RAB3GAP1: variants seen among roughly 807,000 people sequenced by gnomAD.
RAB3GAP1 encodes RAB3 GTPase activating protein catalytic subunit 1.
Under a neutral mutation model 130.7 loss-of-function variants are expected in RAB3GAP1, and 86 were observed. That is an observed-to-expected ratio of 0.66 (90% CI 0.55 to 0.79). The LOEUF is 0.79. RAB3GAP1 is among the 30% of genes least tolerant of loss of function. The pLI, the probability that RAB3GAP1 is intolerant of heterozygous loss-of-function variation, is 0.00. For synonymous variants in RAB3GAP1, 367 were observed against 401.7 expected (o/e 0.91, Z 1.03); for missense variants, 1,029 against 1,169.4 (o/e 0.88, Z 1.75).
At chr2:135,147,213 G>A (rs1036672311) in intron 17 of RAB3GAP1, among the ~76,000 whole-genome samples, 9 of 151,980 alleles carry the variant, frequency 5.9e-5, no homozygotes, top group Admixed American at 4.6e-4. Flanking sequence ...GGGCATGGTG[G>A]TGCATGTCTG....
chr2:135,097,565 T>C (rs1690336845), intron 5 of RAB3GAP1, among the ~76,000 whole-genome samples: 1 of 152,130 alleles, frequency 6.6e-6, no homozygotes, highest in East Asian at 1.9e-4. Context: ...TGATCTTTCT[T>C]GGTCACTATA....
rs1484674265 is a variant in RAB3GAP1 at position 135,132,875 on chromosome 2, T to A, written c.1237-20T>A. The stretch of plus-strand genomic sequence containing the variant: ...GGAAATGTGGTCTAAAATGTGATTA[T>A]TTTTTTCCTTTCCTTCAAGTTCTTA... On this transcript the variant is annotated intron_variant, in intron 13 of 23. Coordinates refer to ENST00000264158, the MANE Select transcript of RAB3GAP1 (RefSeq NM_012233.3). The A allele has an allele frequency of 1.4e-6, 2 of 1,404,396 alleles. No homozygotes were observed. The highest frequency in any genetic ancestry group is 4.6e-5 in the East Asian group (2 of 43,734). The allele number at this position is 1,404,396 out of a possible 1,614,324, so 87.0% of individuals were successfully genotyped here. A position where few individuals can be genotyped will look rare whatever the true frequency, so the allele number is the denominator to read the frequency against.
intron 5 of RAB3GAP1, among the ~76,000 whole-genome samples, chr2:135,095,085 G>A (rs1047272510): frequency 6.6e-6 from 1 of 151,952 alleles, no homozygotes; most frequent in African/African-American, 2.4e-5. Context: ...GTCTCACTCT[G>A]TCGCCCAGGC....
chr2:135,121,009 A>C (rs1057389006), intron 8 of RAB3GAP1, 91 bp downstream of exon 8: 2 of 939,494 alleles, frequency 2.1e-6, no homozygotes, highest in Non-Finnish European at 1.7e-6. Context: ...AAGAGTTTCA[A>C]GTGTTTTACA....
chr2:135,105,446 C>T (rs1690572562), intron 5 of RAB3GAP1, among the ~76,000 whole-genome samples: 1 of 152,136 alleles, frequency 6.6e-6, no homozygotes, highest in Admixed American at 6.5e-5. Flanking sequence ...GTTGGCCGGG[C>T]TGGTCTCCAG....
chr2:135,115,024 C>A (rs1252021767), intron 6 of RAB3GAP1, among the ~76,000 whole-genome samples, 192 bp from the exon 7 acceptor site: 1 of 152,132 alleles, frequency 6.6e-6, no homozygotes, highest in East Asian at 1.9e-4. Context: ...ATGATAGTTT[C>A]TTCAGTTTGG....
chr2:135,103,035 A>ATTTTTTTTTTTTTTTT lies in RAB3GAP1; in HGVS notation c.362+9347_362+9362dup, dbSNP rs539310402. On this transcript the variant is annotated intron_variant, in intron 5 of 23. Coordinates refer to ENST00000264158, the MANE Select transcript of RAB3GAP1 (RefSeq NM_012233.3). ...AAAAAAAAAAAAAATCATTTTTGTG[A>ATTTTTTTTTTTTTTTT]TTTTTTTTTTTTTTTTTTTTGAGAC... Among the ~76,000 whole-genome samples the ATTTTTTTTTTTTTTTT allele has an allele frequency of 5.2e-4, 47 of 90,886 alleles. 2 individuals carry two copies. Among genetic ancestry groups the ATTTTTTTTTTTTTTTT allele is most frequent in the African/African-American group, 1.9e-3 (34 of 18,184 alleles). The allele number at this position is 90,886 out of a possible 152,430, so 59.6% of individuals were successfully genotyped here.
At chr2:135,099,175 G>A (rs190658563) in intron 5 of RAB3GAP1, among the ~76,000 whole-genome samples, 41 of 151,936 alleles carry the variant, frequency 2.7e-4, no homozygotes, top group African/African-American at 9.4e-4. Context: ...AGGTTTTTTC[G>A]TAGATGCTCT....
intron 3 of RAB3GAP1, among the ~76,000 whole-genome samples, chr2:135,075,225 T>A (rs1689598635): frequency 6.6e-6 from 1 of 152,236 alleles, no homozygotes; most frequent in African/African-American, 2.4e-5. Context: ...TCTTTTCTAC[T>A]TTTTGAGTAA....
At chr2:135,054,189 C>T (rs1414115076) in intron 2 of RAB3GAP1, among the ~76,000 whole-genome samples, 1 of 152,166 alleles carries the variant, frequency 6.6e-6, no homozygotes, top group Non-Finnish European at 1.5e-5. Context: ...TGGGCCCCAT[C>T]CTCAGAGTTT....
At chr2:135,094,392 C>T (rs769891218) in intron 5 of RAB3GAP1, among the ~76,000 whole-genome samples, 6 of 151,912 alleles carry the variant, frequency 3.9e-5, no homozygotes, top group Admixed American at 6.6e-5. Flanking sequence ...CCCAATTAAA[C>T]GTTCCAATTC....
chr2:135,113,030 A>G (rs767910341), intron 5 of RAB3GAP1, 121 bp from the exon 6 acceptor site: 5 of 1,365,492 alleles, frequency 3.7e-6, no homozygotes, highest in Non-Finnish European at 5.2e-6. Context: ...TAAAAGAAAC[A>G]CTTTTAGTTT....
chr2:135,076,592 T>C (rs1279516598), intron 3 of RAB3GAP1, among the ~76,000 whole-genome samples: 1 of 152,178 alleles, frequency 6.6e-6, no homozygotes, highest in Non-Finnish European at 1.5e-5. Context: ...GTTGCAGATA[T>C]TTTCCCTCAT....
intron 19 of RAB3GAP1, among the ~76,000 whole-genome samples, chr2:135,157,924 CTT>C (rs1286590305): frequency 2.0e-5 from 3 of 151,322 alleles, no homozygotes; most frequent in African/African-American, 7.3e-5. Context: ...TTGTGAAACT[CTT>C]TTAGATGTAT....
chr2:135,130,827 T>A, intron 13 of RAB3GAP1, 106 bp downstream of exon 13: 1 of 1,025,376 alleles, frequency 9.8e-7, no homozygotes, highest in Non-Finnish European at 1.5e-6. Flanking sequence ...ATACAATGAG[T>A]AAAACAGTTA....
chr2:135,115,106 A>T, intron 6 of RAB3GAP1, 110 bp from the exon 7 acceptor site: 2 of 1,025,030 alleles, frequency 2.0e-6, no homozygotes, highest in Non-Finnish European at 2.9e-6. Context: ...TTGTGTTTCC[A>T]GTTTAGTGCT....
Position 135,162,971 on chromosome 2 carries a change from C to G in RAB3GAP1, c.2491-15C>G, listed in dbSNP as rs1449074569. 6.2e-7 allele frequency: 1 copy of G among 1,606,100 alleles called. No homozygotes were observed. The highest frequency in any genetic ancestry group is 1.1e-5 in the South Asian group (1 of 90,880). ...GCCATCTCGCAATGTATGCCTCTTC[C>G]TTTTCTACCGCCAGGAAATCATTCA... On this transcript the variant is annotated splice_polypyrimidine_tract_variant and intron_variant, in intron 21 of 23. Transcript: ENST00000264158.
At chr2:135,074,254 G>A (rs1344641216) in intron 3 of RAB3GAP1, among the ~76,000 whole-genome samples, 3 of 152,182 alleles carry the variant, frequency 2.0e-5, no homozygotes, top group Non-Finnish European at 2.9e-5. Context: ...CCCAAAATGT[G>A]TATAGGTTTG....
At chr2:135,090,825 A>G (rs1690122040) in intron 3 of RAB3GAP1, among the ~76,000 whole-genome samples, 173 bp from the exon 4 acceptor site, 1 of 152,182 alleles carries the variant, frequency 6.6e-6, no homozygotes, top group African/African-American at 2.4e-5. Flanking sequence ...AGGAACACTG[A>G]TAAATCATTT....
Sources: allele counts gnomAD v4.1 joint callset (sites outside exome capture counted in the v4.1 genomes callset), GRCh38; gene constraint gnomAD v4.1.1; transcripts MANE v1.5; gene names NCBI Gene and HGNC (gene_info 2026-07-23, HGNC 2026-07-21).